ASB3: variants seen among roughly 807,000 people sequenced by gnomAD.
ASB3 encodes ankyrin repeat and SOCS box protein 3.
ASB3 carries 41 observed loss-of-function variants against 54.5 expected under a neutral mutation model. That is an observed-to-expected ratio of 0.75 (90% CI 0.59 to 0.98). The LOEUF (loss-of-function observed/expected upper bound fraction) is 0.98. Ranked by LOEUF, ASB3 falls within the 50% of genes least tolerant of loss-of-function variation. The pLI, the probability that ASB3 is intolerant of heterozygous loss-of-function variation, is 0.00. For synonymous variants in ASB3, 266 were observed against 221.2 expected (o/e 1.20, Z -1.80); for missense variants, 733 against 620.0 (o/e 1.18, Z -1.94).
chr2:53,685,858 T>A (rs1379284458), intron 9 of ASB3, among the ~76,000 whole-genome samples: 2 of 152,190 alleles, frequency 1.3e-5, no homozygotes, highest in Non-Finnish European at 2.9e-5. Context: ...TAGTCCTTCT[T>A]TATGTAAGAA....
chr2:53,721,227 A>G (rs533371949), intron 5 of ASB3, among the ~76,000 whole-genome samples: 1 of 151,726 alleles, frequency 6.6e-6, no homozygotes, highest in Non-Finnish European at 1.5e-5. Context: ...CAATACCAAG[A>G]AGATCTTCCA....
intron 2 of ASB3, among the ~76,000 whole-genome samples, chr2:53,761,862 T>C (rs1233489678): frequency 6.6e-6 from 1 of 152,238 alleles, no homozygotes; most frequent in Non-Finnish European, 1.5e-5. Context: ...CAAAGATATA[T>C]ACATAAGGAT....
chr2:53,698,906 T>A (rs1205796231), intron 8 of ASB3, among the ~76,000 whole-genome samples: 1 of 152,206 alleles, frequency 6.6e-6, no homozygotes, highest in Non-Finnish European at 1.5e-5. Flanking sequence ...ACCCATTACC[T>A]AGTTCGAAAG....
At chr2:53,769,783 G>A (rs59689026) in intron 1 of ASB3, among the ~76,000 whole-genome samples, 3,177 of 152,204 alleles carry the variant, frequency 0.021, 99 homozygotes, top group African/African-American at 0.072. Context: ...CAGACGTTGC[G>A]GTGAGCTGAG....
chr2:53,702,415 G>A (rs1669541417), intron 7 of ASB3, among the ~76,000 whole-genome samples: 1 of 152,064 alleles, frequency 6.6e-6, no homozygotes, highest in Non-Finnish European at 1.5e-5. Flanking sequence ...ATGTCACTAA[G>A]CACACAATAA....
chr2:53,726,597 T>TAC (rs905884482), intron 5 of ASB3, among the ~76,000 whole-genome samples: 9 of 151,070 alleles, frequency 6.0e-5, no homozygotes, highest in Admixed American at 2.0e-4. Context: ...TATATATATA[T>TAC]ACACACACAC....
chr2:53,683,709 TTGTA>T (rs1227561964), intron 9 of ASB3, among the ~76,000 whole-genome samples: 1 of 152,096 alleles, frequency 6.6e-6, no homozygotes, highest in Non-Finnish European at 1.5e-5. Context: ...TCTTGGAAGA[TTGTA>T]TGTGTCGAGG....
At chr2:53,728,564 A>C (rs915389797) in intron 5 of ASB3, 148 bp downstream of exon 5, 3 of 1,092,502 alleles carry the variant, frequency 2.7e-6, no homozygotes, top group Non-Finnish European at 3.6e-6. Context: ...CAGGTTTATA[A>C]ATCAATTTGT....
chr2:53,768,926 T>TA (rs1388663012), intron 1 of ASB3, among the ~76,000 whole-genome samples: 1 of 152,216 alleles, frequency 6.6e-6, no homozygotes, highest in Non-Finnish European at 1.5e-5. Context: ...ATCAAGGCGC[T>TA]AAAGTAGTTT....
chr2:53,761,486 G>A (rs1459948674), intron 2 of ASB3, among the ~76,000 whole-genome samples: 1 of 151,722 alleles, frequency 6.6e-6, no homozygotes, highest in African/African-American at 2.4e-5. Context: ...ATCTTCTCCT[G>A]CCCTTGGATA....
chr2:53,766,619 G>C (rs148354003), intron 1 of ASB3, among the ~76,000 whole-genome samples: 1 of 152,136 alleles, frequency 6.6e-6, no homozygotes, highest in African/African-American at 2.4e-5. Context: ...TAAAAAGGAA[G>C]TACAGCAACT....
intron 7 of ASB3, among the ~76,000 whole-genome samples, chr2:53,712,907 G>T (rs1670186880): frequency 6.6e-6 from 1 of 152,240 alleles, no homozygotes; most frequent in African/African-American, 2.4e-5. Flanking sequence ...GTCAACTAAA[G>T]TAATTAGGGC....
At chr2:53,770,788 TC>T (rs1673848241) in intron 1 of ASB3, among the ~76,000 whole-genome samples, 1 of 152,210 alleles carries the variant, frequency 6.6e-6, no homozygotes, top group African/African-American at 2.4e-5. Flanking sequence ...ACACAAGTGG[TC>T]TGATTGTCCC....
intron 3 of ASB3, among the ~76,000 whole-genome samples, chr2:53,743,677 A>G (rs1393238926): frequency 6.6e-6 from 1 of 152,268 alleles, no homozygotes; most frequent in East Asian, 1.9e-4. Context: ...AACACATTAT[A>G]TAAATACATT....
chr2:53,710,739 A>G (rs1246233940), intron 7 of ASB3, among the ~76,000 whole-genome samples: 2 of 152,192 alleles, frequency 1.3e-5, no homozygotes, highest in Non-Finnish European at 2.9e-5. Context: ...TCAGTTCTCA[A>G]AAGCCTTGAC....
intron 3 of ASB3, among the ~76,000 whole-genome samples, chr2:53,732,018 C>T (rs558059517): frequency 2.0e-4 from 30 of 152,020 alleles, no homozygotes; most frequent in African/African-American, 6.0e-4. Flanking sequence ...AGTGCAGTGG[C>T]GCAAACTCGG....
In ASB3 at chr2:53,766,377, T is replaced by C. The variant is rs538065813; in HGVS notation, c.-13-792A>G. On this transcript the variant is annotated intron_variant, in intron 1 of 9. Coordinates refer to ENST00000263634, the MANE Select transcript of ASB3 (RefSeq NM_016115.5). ...AGACACAATTTCTTGTTAGTGACTC[T>C]ATGAAGCAGTTTGGATATGGAATAC... 1.4e-4 allele frequency among the ~76,000 whole-genome samples: 22 copies of C among 152,346 alleles called. No individual in the cohort carries two copies. In the East Asian group the frequency reaches 4.2e-3, roughly 29 times the overall value.
rs10708806 is a variant in ASB3, at chr2:53,686,662, T to TA, written c.1369+7221dup. Among the ~76,000 whole-genome samples, 276 of 151,424 alleles carry TA rather than the reference T, an allele frequency of 1.8e-3. 2 individuals carry two copies. The highest frequency in any genetic ancestry group is 4.8e-3 in the African/African-American group (198 of 41,246). ...CTGGTGATCTCATACTTAGAACATG[T>TA]AAAAAAAAACACCTCTGTTTACTCT... On this transcript the variant is annotated intron_variant, in intron 9 of 9. Transcript: ENST00000263634.
intron 2 of ASB3, among the ~76,000 whole-genome samples, chr2:53,759,670 C>T (rs944360811): frequency 1.3e-5 from 2 of 152,162 alleles, no homozygotes; most frequent in Non-Finnish European, 2.9e-5. Context: ...AATCGAATGC[C>T]TAACAGGGAT....
Sources: gnomAD v4.1 joint callset for allele counts (sites outside exome capture counted in the v4.1 genomes callset) on GRCh38, gnomAD v4.1.1 for gene constraint, MANE v1.5 for transcripts, NCBI Gene and HGNC (gene_info 2026-07-23, HGNC 2026-07-21) for gene names.